GNPTAB: variants seen among roughly 807,000 people sequenced by gnomAD.
GNPTAB encodes the protein N-acetylglucosamine-1-phosphotransferase subunits alpha/beta.
GNPTAB carries 92 observed loss-of-function variants against 136.6 expected under a neutral mutation model. The observed-to-expected ratio is 0.67, with a 90% CI of 0.57 to 0.80. GNPTAB has a LOEUF of 0.80. Among genes scored for constraint, GNPTAB ranks in the 30% least tolerant of loss-of-function variants. The pLI is 0.00. For synonymous variants in GNPTAB, 512 were observed against 535.1 expected, an observed-to-expected ratio of 0.96 and a Z score of 0.60; for missense variants, 1,343 against 1,501.8, an observed-to-expected ratio of 0.89 and a Z score of 1.75.
chr12:101,797,348 G>A (rs1191435435), intron 1 of GNPTAB, among the ~76,000 whole-genome samples: 2 of 152,068 alleles, frequency 1.3e-5, no homozygotes, highest in African/African-American at 4.8e-5. Context: ...GGACAGGCCG[G>A]GCACGGTGGC....
At chr12:101,811,376 ATTT>A (rs1566097295) in intron 1 of GNPTAB, among the ~76,000 whole-genome samples, 1 of 124,136 alleles carries the variant, frequency 8.1e-6, no homozygotes, top group South Asian at 2.8e-4. Flanking sequence ...ATTTCACATA[ATTT>A]TTTCTTTTTT....
At position 101,764,409 on chromosome 12, in the gene GNPTAB, T is replaced by TG. The variant is rs754303406; in HGVS notation, c.2507dup (p.Ser837IlefsTer25). The TG allele has an allele frequency of 6.2e-7, 1 of 1,613,546 alleles. No homozygotes were observed. The highest frequency in any genetic ancestry group is 8.5e-7 in the Non-Finnish European group (1 of 1,179,996). On this transcript the variant is annotated frameshift_variant, in exon 13 of 21. Transcript: ENST00000299314. LOFTEE classifies it high-confidence loss of function. ...GGCTTTCCAGTGGAACAATCAGAGA[T>TG]GGGGGCTTTTCTTTTGTCACATTTC...
At position 101,766,101 on chromosome 12, in the gene GNPTAB, G is replaced by C. The variant is rs1297169033; in HGVS notation, c.1602C>G (p.Asp534Glu). Residue 534 changes from aspartate (D) to glutamate (E), a missense_variant, in exon 12 of 21, where the codon GAC becomes GAG. Asp to Glu is a conservative substitution (Grantham distance 45, BLOSUM62 2). Coordinates refer to ENST00000299314, the MANE Select transcript of GNPTAB (RefSeq NM_024312.5). ...TGGCAGTAAACATACCTTGCCCACAGTCGCCAGCATCAAACCCACAGGACA... is the reference window on the plus strand; with the variant it reads ...TGGCAGTAAACATACCTTGCCCACACTCGCCAGCATCAAACCCACAGGACA... ...NVLSCGFDAG[D>E]CGQDHFHELY... 6.2e-7 allele frequency: 1 copy of C among 1,613,962 alleles called. No homozygotes were observed. The highest frequency in any genetic ancestry group is 1.7e-5 in the Admixed American group (1 of 60,014).
At chr12:101,796,439 TGGTGTGTCACCCTTGCAC>T in intron 2 of GNPTAB, 2 of 634,566 alleles carry the variant, frequency 3.2e-6, no homozygotes, top group South Asian at 3.7e-5. Flanking sequence ...CTTCATGAAT[TGGTGTGTCACCCTTGCAC>T]AGGGGCCACA....
chr12:101,767,653 C>T (rs1267952488), intron 11 of GNPTAB, among the ~76,000 whole-genome samples: 1 of 152,208 alleles, frequency 6.6e-6, no homozygotes, highest in African/African-American at 2.4e-5. Flanking sequence ...GAGAGGCTGT[C>T]ACTCTGCCGC....
At chr12:101,787,338 T>C (rs1163721551) in intron 4 of GNPTAB, among the ~76,000 whole-genome samples, 2 of 152,128 alleles carry the variant, frequency 1.3e-5, no homozygotes, top group African/African-American at 4.8e-5. Flanking sequence ...TGCATCAACA[T>C]GATACATACA....
chr12:101,761,875 G>A, intron 13 of GNPTAB, 112 bp from the exon 14 acceptor site: 1 of 816,090 alleles, frequency 1.2e-6, no homozygotes, highest in Admixed American at 1.9e-5. Context: ...TCTTCATTAG[G>A]AGCAAATGAA....
chr12:101,766,137 T>C lies in GNPTAB; in HGVS notation c.1566A>G (p.Ala522=), dbSNP rs1953089573. The part of the protein sequence containing the change: ...SWLADKFCDQ[A]CNVLSCGFDA... Reference sequence around the variant, plus strand: ...CAAACCCACAGGACAAGACATTGCATGCTTGGTCACAGAACTTATCAGCGA... The same window carrying C: ...CAAACCCACAGGACAAGACATTGCACGCTTGGTCACAGAACTTATCAGCGA... Residue 522 remains alanine, a synonymous_variant, in exon 12 of 21, where the codon GCA becomes GCG. Coordinates refer to ENST00000299314, the MANE Select transcript of GNPTAB (RefSeq NM_024312.5). The C allele has an allele frequency of 1.2e-6, 2 of 1,614,178 alleles. No individual in the cohort carries two copies. The highest frequency in any genetic ancestry group is 1.7e-4 in the Middle Eastern group (1 of 6,060).
At chr12:101,749,613 C>T (rs549447319) in intron 19 of GNPTAB, among the ~76,000 whole-genome samples, 3 of 152,306 alleles carry the variant, frequency 2.0e-5, no homozygotes, top group South Asian at 2.1e-4. Context: ...TGACTGATGA[C>T]TTGCCATCAC....
intron 5 of GNPTAB, among the ~76,000 whole-genome samples, chr12:101,785,363 C>T (rs11111022): frequency 0.079 from 11,963 of 152,250 alleles, 588 homozygotes; most frequent in Middle Eastern, 0.18. Flanking sequence ...CCACCATGTC[C>T]AGCTGTGTGT....
rs765066385 is a variant in GNPTAB, at chr12:101,812,773, A to G, written c.118-16011T>C. The stretch of plus-strand genomic sequence containing the variant: ...GACCCTGTCTCAAAAATAAAACAAA[A>G]AGTCAGAGTTGTTCCTCTCCATGAA... On this transcript the variant is annotated intron_variant, in intron 1 of 20. Coordinates refer to ENST00000299314, the MANE Select transcript of GNPTAB (RefSeq NM_024312.5). Among the ~76,000 whole-genome samples the G allele has an allele frequency of 2.0e-5, 3 of 152,144 alleles. 1 individual carries two copies. The highest frequency in any genetic ancestry group is 2.1e-4 in the South Asian group (1 of 4,820).
intron 13 of GNPTAB, among the ~76,000 whole-genome samples, chr12:101,763,233 AAAAAG>A (rs202033681): frequency 0.24 from 35,246 of 147,090 alleles, 4,348 homozygotes; most frequent in East Asian, 0.32. Context: ...AAAAAAAAAA[AAAAAG>A]AAAGGAAAGG....
Position 101,754,047 on chromosome 12 carries a change from G to T in GNPTAB, c.3435-508C>A, listed in dbSNP as rs1345982507. Reference sequence around the variant, plus strand: ...GCCTGTGGTCCCAGCTCTTCAGGAAGCTGAGGTAGGAGAATCGCTTGAACC... The same window carrying T: ...GCCTGTGGTCCCAGCTCTTCAGGAATCTGAGGTAGGAGAATCGCTTGAACC... On this transcript the variant is annotated intron_variant, in intron 18 of 20. Transcript: ENST00000299314. Among the ~76,000 whole-genome samples, 7 of 152,058 alleles carry T rather than the reference G, an allele frequency of 4.6e-5. No individual in the cohort carries two copies. The East Asian group carries it at 1.2e-3, about 25-fold the overall frequency.
rs545989411 is a variant in GNPTAB at position 101,796,676 on chromosome 12, C to T, written c.203+1G>A. 6.3e-7 allele frequency: 1 copy of T among 1,585,420 alleles called. No individual in the cohort carries two copies. The highest frequency in any genetic ancestry group is 1.1e-5 in the South Asian group (1 of 90,540). On this transcript the variant is annotated splice_donor_variant, in intron 2 of 20. Coordinates refer to ENST00000299314, the MANE Select transcript of GNPTAB (RefSeq NM_024312.5). LOFTEE classifies it high-confidence loss of function. ...ATAGATTTCTCCAAAATAGATCTTA[C>T]CGATTCTGAAAGGACTTTCCAGCAA...
chr12:101,748,557 C>T (rs777085071), intron 20 of GNPTAB, among the ~76,000 whole-genome samples: 1 of 152,166 alleles, frequency 6.6e-6, no homozygotes, highest in Non-Finnish European at 1.5e-5. Context: ...AAGGAGGCTG[C>T]GTGTGTACAT....
intron 18 of GNPTAB, among the ~76,000 whole-genome samples, chr12:101,754,902 T>C (rs1370257910): frequency 1.3e-5 from 2 of 152,024 alleles, no homozygotes; most frequent in Non-Finnish European, 2.9e-5. Flanking sequence ...CATATACACA[T>C]GCAAAAAATT....
chr12:101,755,443 AAAAC>A (rs916347118), intron 18 of GNPTAB, among the ~76,000 whole-genome samples: 2 of 152,206 alleles, frequency 1.3e-5, no homozygotes, highest in African/African-American at 4.8e-5. Flanking sequence ...TCTTGGATTA[AAAAC>A]AAACAGAGGC....
chr12:101,801,230 T>G (rs1869602146), intron 1 of GNPTAB, among the ~76,000 whole-genome samples: 1 of 14,480 alleles, frequency 6.9e-5, no homozygotes, highest in African/African-American at 3.4e-4. Flanking sequence ...AGACCCTGTC[T>G]CAAAAAAAAA....
Position 101,753,378 on chromosome 12 carries a change from T to G in GNPTAB, c.3596A>C (p.Gln1199Pro), listed in dbSNP as rs1304219254. Residue 1199 changes from glutamine (Q) to proline (P), a missense_variant, in exon 19 of 21, where the codon CAG becomes CCG. Transcript: ENST00000299314. ...RNRFLHMHEL[Q>P]EWRAYRDKLK... ...ATAAAACATGAGAATTTACCATTCC[T>G]GCAGCTCATGCATATGAAGGAAACG... The G allele has an allele frequency of 6.2e-7, 1 of 1,613,290 alleles. No individual in the cohort carries two copies. Among genetic ancestry groups the G allele is most frequent in the Admixed American group, 1.7e-5 (1 of 60,010 alleles).
Sources: gnomAD v4.1 joint callset for allele counts (sites outside exome capture counted in the v4.1 genomes callset) on GRCh38, gnomAD v4.1.1 for gene constraint, MANE v1.5 for transcripts, NCBI Gene and HGNC (gene_info 2026-07-23, HGNC 2026-07-21) for gene names.